The following ZNF385D variants were observed in gnomAD, a reference collection of about 807,000 sequenced individuals.
ZNF385D encodes the protein zinc finger protein 659.
ZNF385D carries 15 observed loss-of-function variants against 35.8 expected under a neutral mutation model. The ratio of observed to expected loss-of-function variants is 0.42; its 90% CI spans 0.28 to 0.64. The LOEUF (loss-of-function observed/expected upper bound fraction) is 0.64. Among genes scored for constraint, ZNF385D ranks in the 30% least tolerant of loss-of-function variants. The pLI, the probability that ZNF385D is intolerant of heterozygous loss-of-function variation, is 0.23. For missense variants in ZNF385D, 474 were observed against 494.6 expected, an observed-to-expected ratio of 0.96 and a Z score of 0.39; for synonymous variants, 212 against 186.8, an observed-to-expected ratio of 1.13 and a Z score of -1.10.
At chr3:22,170,330 T>G (rs923907959) in intron 2 of ZNF385D, among the ~76,000 whole-genome samples, 1 of 152,076 alleles carries the variant, frequency 6.6e-6, no homozygotes, top group Admixed American at 6.5e-5. Context: ...ATCAGGTAAA[T>G]GAGATAACAA....
chr3:21,463,508 A>C (rs1485641557), intron 4 of ZNF385D, among the ~76,000 whole-genome samples: 1 of 152,172 alleles, frequency 6.6e-6, no homozygotes, highest in Non-Finnish European at 1.5e-5. Flanking sequence ...TGGGACCCTG[A>C]GCAGCCTGAG....
At chr3:22,260,487 A>C (rs561454252) in intron 2 of ZNF385D, among the ~76,000 whole-genome samples, 2 of 152,150 alleles carry the variant, frequency 1.3e-5, no homozygotes, top group South Asian at 4.1e-4. Context: ...CACATTCTGC[A>C]CATGTATCCC....
chr3:21,882,361 C>A (rs187087895), intron 3 of ZNF385D, among the ~76,000 whole-genome samples: 2 of 151,940 alleles, frequency 1.3e-5, no homozygotes, highest in Admixed American at 1.3e-4. Context: ...ATTATGACTA[C>A]GTGGTGCTTC....
chr3:22,106,302 G>A (rs1415768475), intron 3 of ZNF385D, among the ~76,000 whole-genome samples: 1 of 152,054 alleles, frequency 6.6e-6, no homozygotes, highest in African/African-American at 2.4e-5. Context: ...CACAACACTT[G>A]GATGAAGTAA....
intron 3 of ZNF385D, among the ~76,000 whole-genome samples, chr3:21,884,349 G>A: frequency 6.6e-6 from 1 of 151,916 alleles, no homozygotes; most frequent in African/African-American, 2.4e-5. Context: ...CCCTTCGCTG[G>A]AATTGTTATC....
At chr3:21,662,140 CTT>C (rs1008648186) in intron 2 of ZNF385D, among the ~76,000 whole-genome samples, 5 of 152,084 alleles carry the variant, frequency 3.3e-5, no homozygotes, top group African/African-American at 1.2e-4. Context: ...GAGTTCATCA[CTT>C]ATCATCAAAG....
At chr3:21,509,511 A>T (rs1281000555) in intron 4 of ZNF385D, among the ~76,000 whole-genome samples, 1 of 152,236 alleles carries the variant, frequency 6.6e-6, no homozygotes, top group East Asian at 1.9e-4. Flanking sequence ...AATCTAAATT[A>T]ATAAAATGGC....
intron 3 of ZNF385D, among the ~76,000 whole-genome samples, chr3:21,532,355 C>T (rs1451079170): frequency 6.6e-6 from 1 of 152,050 alleles, no homozygotes. Flanking sequence ...TGTAATATAT[C>T]AGTGTGGGGG....
chr3:22,031,809 A>G (rs528589332), intron 3 of ZNF385D, among the ~76,000 whole-genome samples: 4 of 152,320 alleles, frequency 2.6e-5, no homozygotes, highest in South Asian at 4.1e-4. Flanking sequence ...GCCAATTTCC[A>G]AACTTTTATG....
intron 2 of ZNF385D, among the ~76,000 whole-genome samples, chr3:22,211,805 G>T (rs1697544238): frequency 6.6e-6 from 1 of 151,864 alleles, no homozygotes; most frequent in Non-Finnish European, 1.5e-5. Context: ...TGAATTTCTT[G>T]TACTGCAGTG....
intron 2 of ZNF385D, among the ~76,000 whole-genome samples, chr3:22,237,672 C>T (rs1699264300): frequency 6.6e-6 from 1 of 152,044 alleles, no homozygotes; most frequent in African/African-American, 2.4e-5. Flanking sequence ...GAGATGGGGT[C>T]TCGCTCTGTC....
chr3:22,311,667 A>G lies in ZNF385D; in HGVS notation c.106+60783T>C, dbSNP rs571926854. 2.8e-4 allele frequency among the ~76,000 whole-genome samples: 43 copies of G among 152,222 alleles called. No individual in the cohort carries two copies. In the South Asian group the frequency reaches 4.4e-3, roughly 15 times the overall value. On this transcript the variant is annotated intron_variant, in intron 2 of 5. Transcript: ENST00000494108. Reference sequence around the variant, plus strand: ...AAGCTTGTAATATTAATTCTGATTAAAGCTATGATGTAGAGGAGTGGAGAA... The same window carrying G: ...AAGCTTGTAATATTAATTCTGATTAGAGCTATGATGTAGAGGAGTGGAGAA...
intron 4 of ZNF385D, among the ~76,000 whole-genome samples, chr3:21,509,063 C>CA (rs1300940929): frequency 6.6e-6 from 1 of 151,304 alleles, no homozygotes; most frequent in Non-Finnish European, 1.5e-5. Flanking sequence ...CAGCAAGCTC[C>CA]GGGGGGCTTT....
intron 3 of ZNF385D, among the ~76,000 whole-genome samples, chr3:21,782,522 A>G (rs1374528557): frequency 6.6e-6 from 1 of 152,104 alleles, no homozygotes; most frequent in Non-Finnish European, 1.5e-5. Context: ...CTGTGCATAG[A>G]TAATTAATGT....
At chr3:22,072,600 A>G (rs912662731) in intron 3 of ZNF385D, among the ~76,000 whole-genome samples, 19 of 152,004 alleles carry the variant, frequency 1.2e-4, no homozygotes, top group Non-Finnish European at 2.6e-4. Flanking sequence ...GTATATTGTT[A>G]TATTACCTAA....
At chr3:21,637,517 A>G (rs1364960406) in intron 2 of ZNF385D, among the ~76,000 whole-genome samples, 2 of 152,106 alleles carry the variant, frequency 1.3e-5, no homozygotes, top group African/African-American at 4.8e-5. Flanking sequence ...ATGGCCTTAC[A>G]GTATAGTTTG....
chr3:21,767,740 A>G (rs926390995), intron 3 of ZNF385D, among the ~76,000 whole-genome samples: 1 of 152,048 alleles, frequency 6.6e-6, no homozygotes, highest in Admixed American at 6.6e-5. Context: ...AAAGGATTAT[A>G]TATTGTGATA....
At chr3:22,147,154 T>G (rs1472955811) in intron 3 of ZNF385D, among the ~76,000 whole-genome samples, 1 of 152,232 alleles carries the variant, frequency 6.6e-6, no homozygotes, top group Non-Finnish European at 1.5e-5. Flanking sequence ...ACTAGGGATA[T>G]AGCCATGGTG....
At chr3:22,077,564 T>C (rs1312717364) in intron 3 of ZNF385D, among the ~76,000 whole-genome samples, 5 of 151,988 alleles carry the variant, frequency 3.3e-5, no homozygotes. Flanking sequence ...TGAGGTTCTG[T>C]ATCTAAATGC....
Sources: allele counts gnomAD v4.1 joint callset (sites outside exome capture counted in the v4.1 genomes callset), GRCh38; gene constraint gnomAD v4.1.1; transcripts MANE v1.5; gene names NCBI Gene and HGNC (gene_info 2026-07-23, HGNC 2026-07-21).